Variants in MEMO1 observed in about 807,000 individuals in gnomAD.
The protein encoded by MEMO1 is protein MEMO1.
In MEMO1, 6 loss-of-function variants were observed where a neutral mutation model predicts 45.2. That is an observed-to-expected ratio of 0.13 (90% CI 0.07 to 0.26). The LOEUF (loss-of-function observed/expected upper bound fraction) is 0.26, where lower values mean the gene tolerates loss of function less well. Ranked by LOEUF, MEMO1 falls within the 10% of genes least tolerant of loss-of-function variation. The pLI, the probability that MEMO1 is intolerant of heterozygous loss-of-function variation, is 1.00. For missense variants in MEMO1, 184 were observed against 370.5 expected (o/e 0.50, Z 4.13); for synonymous variants, 78 against 124.3 (o/e 0.63, Z 2.48).
intron 4 of MEMO1, among the ~76,000 whole-genome samples, chr2:31,927,562 A>T (rs929876864): frequency 6.6e-6 from 1 of 152,016 alleles, no homozygotes; most frequent in African/African-American, 2.4e-5. Context: ...ATATGAAAAC[A>T]TAGTTGTCTT....
chr2:31,907,134 G>A (rs919741224), intron 6 of MEMO1, among the ~76,000 whole-genome samples: 1 of 152,000 alleles, frequency 6.6e-6, no homozygotes, highest in African/African-American at 2.4e-5. Context: ...CATGAAAACT[G>A]CAGGCACCTT....
intron 6 of MEMO1, among the ~76,000 whole-genome samples, chr2:31,902,685 G>A (rs1166480533): frequency 6.6e-6 from 1 of 152,064 alleles, no homozygotes; most frequent in East Asian, 1.9e-4. Context: ...TGCAGGAAAT[G>A]TATCAATCCA....
intron 2 of MEMO1, among the ~76,000 whole-genome samples, chr2:31,964,542 CA>C (rs199519787): frequency 6.7e-6 from 1 of 150,356 alleles, no homozygotes; most frequent in Non-Finnish European, 1.5e-5. Context: ...ACTAAAAACA[CA>C]AAAAAAAATT....
chr2:31,913,054 G>A (rs554673325), intron 6 of MEMO1, among the ~76,000 whole-genome samples: 38 of 152,084 alleles, frequency 2.5e-4, no homozygotes, highest in East Asian at 3.9e-4. Flanking sequence ...CAAGGCGGGC[G>A]GATCACGAGG....
chr2:31,918,427 T>TA (rs1352001677), intron 5 of MEMO1, among the ~76,000 whole-genome samples: 2 of 152,190 alleles, frequency 1.3e-5, no homozygotes, highest in Non-Finnish European at 2.9e-5. Flanking sequence ...AGCAAGAACA[T>TA]AATTAGAATT....
intron 8 of MEMO1, among the ~76,000 whole-genome samples, chr2:31,879,151 A>G (rs1346068000): frequency 1.3e-5 from 2 of 152,160 alleles, no homozygotes; most frequent in Admixed American, 6.5e-5. Context: ...ATAATTTTTC[A>G]CATTTGGTTT....
At chr2:31,971,494 T>G (rs1669399031) in intron 2 of MEMO1, among the ~76,000 whole-genome samples, 2 of 152,142 alleles carry the variant, frequency 1.3e-5, no homozygotes, top group Non-Finnish European at 2.9e-5. Context: ...CCTCCCAAAG[T>G]GCTGGGATTA....
intron 2 of MEMO1, among the ~76,000 whole-genome samples, chr2:32,002,171 ATATAT>A (rs1673430743): frequency 8.1e-6 from 1 of 122,916 alleles, no homozygotes; most frequent in South Asian, 2.6e-4. Context: ...AAAAAAAAAT[ATATAT>A]ATATATATAT....
chr2:31,955,042 A>G (rs1335068396), intron 2 of MEMO1, among the ~76,000 whole-genome samples: 2 of 151,936 alleles, frequency 1.3e-5, no homozygotes, highest in Non-Finnish European at 1.5e-5. Context: ...GGAGTTCAAG[A>G]CCAGCCTGGG....
rs190220078 is a variant in MEMO1 at position 31,884,151 on chromosome 2, T to C, written c.581-689A>G. Among the ~76,000 whole-genome samples the C allele has an allele frequency of 1.2e-3, 186 of 152,112 alleles. 1 individual carries two copies. The highest frequency in any genetic ancestry group is 4.1e-3 in the African/African-American group (170 of 41,514). On this transcript the variant is annotated intron_variant, in intron 7 of 9. Coordinates refer to ENST00000404530, the MANE Select transcript of MEMO1 (RefSeq NM_001301833.4). The stretch of plus-strand genomic sequence containing the variant: ...AATGTTTTGGCTATTCTCCAAAGAA[T>C]AGAGAAGGTAAAATGAAAGAAGCTT...
chr2:31,997,938 C>T (rs1672799804), intron 2 of MEMO1, among the ~76,000 whole-genome samples: 1 of 152,170 alleles, frequency 6.6e-6, no homozygotes, highest in South Asian at 2.1e-4. Flanking sequence ...TGGCTTAGAC[C>T]AGACTTACAC....
intron 2 of MEMO1, among the ~76,000 whole-genome samples, chr2:31,962,253 G>C (rs1668092119): frequency 6.6e-6 from 1 of 152,120 alleles, no homozygotes; most frequent in East Asian, 1.9e-4. Context: ...GCTGGGTGTG[G>C]TGGCATGCAC....
chr2:31,970,634 CA>C (rs1403884555), intron 2 of MEMO1, among the ~76,000 whole-genome samples: 276 of 130,404 alleles, frequency 2.1e-3, no homozygotes, highest in Middle Eastern at 3.9e-3. Flanking sequence ...CAGGATGAAG[CA>C]AAAAAAAAAA....
At chr2:31,995,723 G>A (rs1159433230) in intron 2 of MEMO1, among the ~76,000 whole-genome samples, 3 of 151,952 alleles carry the variant, frequency 2.0e-5, no homozygotes, top group African/African-American at 7.2e-5. Flanking sequence ...CCTCAAGGAG[G>A]TAATAATAAA....
chr2:32,008,989 T>C (rs367947743), intron 2 of MEMO1, among the ~76,000 whole-genome samples: 4 of 152,188 alleles, frequency 2.6e-5, no homozygotes, highest in African/African-American at 9.7e-5. Flanking sequence ...CTCGAGAAGT[T>C]AGGTCTAGTT....
At chr2:31,965,286 A>G (rs1486340516) in intron 2 of MEMO1, among the ~76,000 whole-genome samples, 3 of 149,986 alleles carry the variant, frequency 2.0e-5, no homozygotes, top group Admixed American at 1.3e-4. Context: ...AGAGAAGGGA[A>G]GGGAAGAAGG....
chr2:31,985,659 C>T (rs971167319), intron 2 of MEMO1, among the ~76,000 whole-genome samples: 2 of 152,162 alleles, frequency 1.3e-5, no homozygotes, highest in Admixed American at 6.6e-5. Context: ...ATTAGTGTTG[C>T]TCTCCTTTAC....
intron 2 of MEMO1, among the ~76,000 whole-genome samples, chr2:31,968,925 T>A (rs1379567474): frequency 1.3e-5 from 2 of 152,134 alleles, no homozygotes; most frequent in African/African-American, 4.8e-5. Flanking sequence ...ATATTTATAA[T>A]AAAATTGTTA....
chr2:31,982,610 T>A (rs1046568411), intron 2 of MEMO1, among the ~76,000 whole-genome samples: 34 of 143,490 alleles, frequency 2.4e-4, no homozygotes, highest in Non-Finnish European at 1.4e-4. Flanking sequence ...AAAAAAAAGA[T>A]ACGTATGAAG....
Sources: gnomAD v4.1 joint callset for allele counts (sites outside exome capture counted in the v4.1 genomes callset) on GRCh38, gnomAD v4.1.1 for gene constraint, MANE v1.5 for transcripts, NCBI Gene and HGNC (gene_info 2026-07-23, HGNC 2026-07-21) for gene names.